ZCCHC7: variants seen among roughly 807,000 people sequenced by gnomAD.
ZCCHC7 encodes zinc finger CCHC domain-containing protein 7.
Under a neutral mutation model 52.0 loss-of-function variants are expected in ZCCHC7, and 35 were observed. The ratio of observed to expected loss-of-function variants is 0.67; its 90% CI spans 0.51 to 0.89. The LOEUF is 0.89. Ranked by LOEUF, ZCCHC7 falls within the 40% of genes least tolerant of loss-of-function variation. The pLI, the probability that ZCCHC7 is intolerant of heterozygous loss-of-function variation, is 0.00. For synonymous variants in ZCCHC7, 217 were observed against 221.5 expected (o/e 0.98, Z 0.18); for missense variants, 574 against 649.1 (o/e 0.88, Z 1.26).
intron 2 of ZCCHC7, among the ~76,000 whole-genome samples, chr9:37,217,660 G>A (rs1588498240): frequency 6.6e-6 from 1 of 152,152 alleles, no homozygotes; most frequent in Admixed American, 6.5e-5. Flanking sequence ...ATAATATTGT[G>A]TCCATGCTCT....
rs919476738 is a variant in ZCCHC7, at chr9:37,357,343, TTATTATC to T, written c.*79_*85del. 10 of 1,371,898 alleles carry T rather than the reference TTATTATC, an allele frequency of 7.3e-6. No homozygotes were observed. The South Asian group carries it at 7.7e-5, about 11-fold the overall frequency. 85.0% of individuals were successfully genotyped at this position (1,371,898 alleles called of 1,614,324 possible). ...TGTCTATAACCTTCTGGCACTGTGT[TTATTATC>T]TATGATTAAATAAAGTGAGTTTTTG... On this transcript the variant is annotated 3_prime_UTR_variant, in exon 9 of 9. Coordinates refer to ENST00000336755, the MANE Select transcript of ZCCHC7 (RefSeq NM_032226.3).
In ZCCHC7 at chr9:37,348,347, G is replaced by GTTCGTTCTTTCTTTCT. The variant is rs370166957; in HGVS notation, c.988-1007_988-1006insGTTCTTTCTTTCTTTC. 2.9e-3 allele frequency among the ~76,000 whole-genome samples: 399 copies of GTTCGTTCTTTCTTTCT among 135,590 alleles called. 3 individuals are homozygous for GTTCGTTCTTTCTTTCT. Among genetic ancestry groups the GTTCGTTCTTTCTTTCT allele is most frequent in the African/African-American group, 9.2e-3 (303 of 32,956 alleles). 89.0% of individuals were successfully genotyped at this position (135,590 alleles called of 152,430 possible). A position where few individuals can be genotyped will look rare whatever the true frequency, so the allele number is the denominator to read the frequency against. ...TTCAATGACCAAGTGATACCAGTTC[G>GTTCGTTCTTTCTTTCT]TTCTTTCTTTCTTTCTTTCTTTCTT... On this transcript the variant is annotated intron_variant, in intron 6 of 8. Transcript: ENST00000336755.
chr9:37,131,815 T>C (rs1005133755), intron 2 of ZCCHC7, among the ~76,000 whole-genome samples: 1 of 152,200 alleles, frequency 6.6e-6, no homozygotes, highest in Non-Finnish European at 1.5e-5. Flanking sequence ...TGAGGCTCCA[T>C]TGAGACTGTA....
chr9:37,296,756 C>T (rs554719460), intron 2 of ZCCHC7, among the ~76,000 whole-genome samples: 95 of 152,308 alleles, frequency 6.2e-4, no homozygotes, highest in African/African-American at 2.1e-3. Context: ...GCTGCTGGCA[C>T]GCAGTGGCGG....
rs117427079 is a variant in ZCCHC7 at position 37,146,985 on chromosome 9, G to A, written c.610+20043G>A. Among the ~76,000 whole-genome samples the A allele has an allele frequency of 1.0e-3, 157 of 151,896 alleles. 3 individuals are homozygous for A. The East Asian group carries it at 0.03, about 29-fold the overall frequency. ...CTTAAAGTTGAATTAATTAACTTTA[G>A]CTATCTAATAGAGTAGGTCCAGAAA... On this transcript the variant is annotated intron_variant, in intron 2 of 8. Coordinates refer to ENST00000336755, the MANE Select transcript of ZCCHC7 (RefSeq NM_032226.3).
chr9:37,226,284 A>C (rs927519308), intron 2 of ZCCHC7, among the ~76,000 whole-genome samples: 6 of 152,228 alleles, frequency 3.9e-5, no homozygotes, highest in Non-Finnish European at 8.8e-5. Flanking sequence ...GCAGAGAAAA[A>C]GAATCTAAAT....
intron 2 of ZCCHC7, among the ~76,000 whole-genome samples, chr9:37,230,250 T>C (rs1437159073): frequency 3.9e-5 from 6 of 152,254 alleles, no homozygotes; most frequent in African/African-American, 1.4e-4. Context: ...TATTATGTAC[T>C]GTGCATAATT....
chr9:37,253,019 A>G (rs2133403576), intron 2 of ZCCHC7, among the ~76,000 whole-genome samples: 1 of 152,238 alleles, frequency 6.6e-6, no homozygotes, highest in East Asian at 1.9e-4. Context: ...TCATTAAAAT[A>G]CAGCTGAGTC....
chr9:37,343,093 C>T (rs371173758), intron 6 of ZCCHC7, among the ~76,000 whole-genome samples: 74 of 152,242 alleles, frequency 4.9e-4, no homozygotes, highest in African/African-American at 7.5e-4. Flanking sequence ...TCTGTGAACA[C>T]GAGAATCTCG....
rs750275240 is a variant in ZCCHC7, at chr9:37,357,118, C to G, written c.1482C>G (p.Pro494=). The change falls in exon 9 of 9, where the codon CCC becomes CCG. Residue 494 remains proline, a synonymous_variant. Coordinates refer to ENST00000336755, the MANE Select transcript of ZCCHC7 (RefSeq NM_032226.3). ...TTAAAACCCAGAAGCCTTCTAAGCC[C>G]TTTCACCGTTCATCACATTACCACA... is the stretch of plus-strand genomic sequence containing the variant. ...GSFKTQKPSK[P]FHRSSHYHTS... is the part of the protein sequence containing the mutation. 2.5e-6 allele frequency: 4 copies of G among 1,613,554 alleles called. No individual in the cohort carries two copies. Among genetic ancestry groups the G allele is most frequent in the Non-Finnish European group, 8.5e-7 (1 of 1,179,962 alleles).
chr9:37,335,983 A>C (rs760044505), intron 6 of ZCCHC7, among the ~76,000 whole-genome samples: 2 of 152,308 alleles, frequency 1.3e-5, no homozygotes, highest in East Asian at 3.9e-4. Context: ...TTTGCTCTCT[A>C]TACAAATGAT....
rs538497729 is a variant in ZCCHC7 at position 37,253,858 on chromosome 9, A to G, written c.611-48330A>G. On this transcript the variant is annotated intron_variant, in intron 2 of 8. Transcript: ENST00000336755. ...AAAGATAGTCCTTTTATACAATTAA[A>G]CCATCCTATCAACATATATTTTAAG... 2.6e-5 allele frequency among the ~76,000 whole-genome samples: 4 copies of G among 152,086 alleles called. No homozygotes were observed. In the East Asian group the frequency reaches 7.7e-4, roughly 29 times the overall value.
At chr9:37,198,272 GTCTT>G (rs570203503) in intron 2 of ZCCHC7, among the ~76,000 whole-genome samples, 75 of 152,286 alleles carry the variant, frequency 4.9e-4, no homozygotes, top group African/African-American at 1.7e-3. Context: ...GTTCTATGGA[GTCTT>G]TCTCAGACTG....
intron 2 of ZCCHC7, among the ~76,000 whole-genome samples, chr9:37,267,723 C>T (rs1206368452): frequency 6.6e-6 from 1 of 151,938 alleles, no homozygotes; most frequent in Non-Finnish European, 1.5e-5. Flanking sequence ...GTGCCTGCCA[C>T]CACGCCTGGC....
chr9:37,339,738 A>G (rs1830834985), intron 6 of ZCCHC7, among the ~76,000 whole-genome samples: 1 of 152,202 alleles, frequency 6.6e-6, no homozygotes, highest in Admixed American at 6.6e-5. Flanking sequence ...ATAAATAGAA[A>G]CACATAGTGT....
intron 2 of ZCCHC7, among the ~76,000 whole-genome samples, chr9:37,180,810 T>C (rs1474815110): frequency 6.6e-6 from 1 of 152,162 alleles, no homozygotes; most frequent in Non-Finnish European, 1.5e-5. Flanking sequence ...TCAACAAAAT[T>C]AATTTTTGTT....
intron 2 of ZCCHC7, among the ~76,000 whole-genome samples, chr9:37,145,769 ATAT>A (rs1307723265): frequency 2.6e-5 from 4 of 152,004 alleles, no homozygotes; most frequent in African/African-American, 9.7e-5. Context: ...CAATTGAGTA[ATAT>A]TCCTCGTTTA....
upstream of ZCCHC7, chr9:37,120,536 G>T: frequency 5.0e-6 from 2 of 399,178 alleles, no homozygotes; most frequent in Non-Finnish European, 8.8e-6. Context: ...GCGCGGACGC[G>T]GCCTCCTTAC....
intron 2 of ZCCHC7, among the ~76,000 whole-genome samples, chr9:37,204,958 C>T (rs1823826066): frequency 6.6e-6 from 1 of 152,146 alleles, no homozygotes; most frequent in African/African-American, 2.4e-5. Flanking sequence ...CCCCAAAGGT[C>T]ATGTGTTAGA....
Sources: gnomAD v4.1 joint callset for allele counts (sites outside exome capture counted in the v4.1 genomes callset) on GRCh38, gnomAD v4.1.1 for gene constraint, MANE v1.5 for transcripts, NCBI Gene and HGNC (gene_info 2026-07-23, HGNC 2026-07-21) for gene names.